Variants in TET1 observed in about 807,000 individuals in gnomAD.
TET1 encodes methylcytosine dioxygenase TET1.
Under a neutral mutation model 148.7 loss-of-function variants are expected in TET1, and 13 were observed. The ratio of observed to expected loss-of-function variants is 0.09; its 90% CI spans 0.06 to 0.14. The LOEUF is 0.14. Among genes scored for constraint, TET1 ranks in the 10% least tolerant of loss-of-function variants. TET1 has a pLI of 1.00. For synonymous variants in TET1, 907 were observed against 937.2 expected (o/e 0.97, Z 0.59); for missense variants, 2,182 against 2,553.8 (o/e 0.85, Z 3.14).
chr10:68,621,745 A>T (rs2054374756), intron 3 of TET1, among the ~76,000 whole-genome samples: 1 of 152,210 alleles, frequency 6.6e-6, no homozygotes, highest in Admixed American at 6.5e-5. Flanking sequence ...ATTTCAAATT[A>T]TAATGAAAAA....
chr10:68,668,472 G>A (rs1486981658), intron 7 of TET1, among the ~76,000 whole-genome samples: 1 of 152,242 alleles, frequency 6.6e-6, no homozygotes, highest in Non-Finnish European at 1.5e-5. Flanking sequence ...CATCAAGTGA[G>A]AAATGACTAT....
chr10:68,658,428 C>A (rs934084836), intron 6 of TET1, among the ~76,000 whole-genome samples: 2 of 152,104 alleles, frequency 1.3e-5, no homozygotes, highest in Non-Finnish European at 2.9e-5. Context: ...CGTGAGCCAC[C>A]GCGACAGCCC....
intron 3 of TET1, among the ~76,000 whole-genome samples, chr10:68,630,903 C>T (rs1303356279): frequency 2.0e-5 from 3 of 152,084 alleles, no homozygotes; most frequent in African/African-American, 4.8e-5. Context: ...TAGTCAGGTG[C>T]GGGGGCACTC....
chr10:68,677,929 T>A (rs1564507253), intron 8 of TET1, among the ~76,000 whole-genome samples: 1 of 152,182 alleles, frequency 6.6e-6, no homozygotes, highest in African/African-American at 2.4e-5. Context: ...CAGTATTTTT[T>A]ATTTTTATTT....
At chr10:68,614,698 G>A (rs148091665) in intron 3 of TET1, among the ~76,000 whole-genome samples, 176 of 152,192 alleles carry the variant, frequency 1.2e-3, no homozygotes, top group African/African-American at 4.0e-3. Flanking sequence ...GGTTCAAGCA[G>A]TTCTCGTGCC....
intron 6 of TET1, among the ~76,000 whole-genome samples, chr10:68,656,204 C>T (rs981768499): frequency 6.6e-6 from 1 of 152,166 alleles, no homozygotes; most frequent in African/African-American, 2.4e-5. Context: ...ATAAAGTGCA[C>T]AATAAATGTA....
At chr10:68,630,324 T>C (rs1297021563) in intron 3 of TET1, among the ~76,000 whole-genome samples, 1 of 152,216 alleles carries the variant, frequency 6.6e-6, no homozygotes, top group African/African-American at 2.4e-5. Flanking sequence ...TTGTTGTTGT[T>C]GTTTTGACAC....
Position 68,573,337 on chromosome 10 carries a change from C to T in TET1, c.999C>T (p.Gly333=), listed in dbSNP as rs2053692036. 3 of 1,614,128 alleles carry T rather than the reference C, an allele frequency of 1.9e-6. No homozygotes were observed. Among genetic ancestry groups the T allele is most frequent in the African/African-American group, 2.7e-5 (2 of 75,036 alleles). The change falls in exon 2 of 12, where the codon GGC becomes GGT. Residue 333 remains glycine (G), a synonymous_variant. Coordinates refer to ENST00000373644, the MANE Select transcript of TET1 (RefSeq NM_030625.3). ...CTGTAATAAAATTCCTCTTGGCAGG[C>T]TCAAAACAAGCGACCCTTGGTGCTA... ...PTSVIKFLLA[G]SKQATLGAKP...
rs1449274881 is a variant in TET1, at chr10:68,597,871, A to G, written c.1915-3110A>G. On this transcript the variant is annotated intron_variant, in intron 2 of 11. Transcript: ENST00000373644. The stretch of plus-strand genomic sequence containing the variant: ...AACGAAAAGAAAAATACTATATGAA[A>G]AATACTATATGATTCCAATTATAGG... Among the ~76,000 whole-genome samples the G allele has an allele frequency of 2.6e-5, 4 of 152,232 alleles. No homozygotes were observed. In the East Asian group the frequency reaches 7.7e-4, roughly 29 times the overall value.
At chr10:68,652,001 C>A in intron 5 of TET1, 65 bp downstream of exon 5, 1 of 1,407,654 alleles carries the variant, frequency 7.1e-7, no homozygotes, top group Non-Finnish European at 9.9e-7. Context: ...GGAGATAAAT[C>A]ATCTCTAAGA....
At chr10:68,664,693 T>TTA (rs1554810422) in intron 6 of TET1, among the ~76,000 whole-genome samples, 7 of 148,544 alleles carry the variant, frequency 4.7e-5, no homozygotes, top group African/African-American at 1.5e-4. Context: ...TTTTTTTTTT[T>TTA]ACTCTGTTGC....
intron 1 of TET1, among the ~76,000 whole-genome samples, chr10:68,562,119 G>A (rs2053561432): frequency 6.6e-6 from 1 of 152,214 alleles, no homozygotes; most frequent in East Asian, 1.9e-4. Flanking sequence ...CCCTGGGCCG[G>A]CGGGGTGAGC....
chr10:68,679,563 A>G (rs2133215578), intron 8 of TET1, among the ~76,000 whole-genome samples: 1 of 152,332 alleles, frequency 6.6e-6, no homozygotes, highest in Non-Finnish European at 1.5e-5. Context: ...TGAAGATATA[A>G]ATAGAATTGT....
intron 3 of TET1, among the ~76,000 whole-genome samples, chr10:68,618,125 A>G (rs1448353192): frequency 6.6e-6 from 1 of 152,056 alleles, no homozygotes; most frequent in Non-Finnish European, 1.5e-5. Context: ...TGAGTTTTTA[A>G]GAGTAAAGGA....
At chr10:68,654,121 A>AAAAAAAAAAAAAAAC (rs2054984004) in intron 6 of TET1, among the ~76,000 whole-genome samples, 1 of 151,266 alleles carries the variant, frequency 6.6e-6, no homozygotes, top group Non-Finnish European at 1.5e-5. Context: ...AAAAAAAAAA[A>AAAAAAAAAAAAAAAC]AAAAGCATGG....
At chr10:68,653,441 A>C (rs571736801) in intron 6 of TET1, among the ~76,000 whole-genome samples, 181 of 152,302 alleles carry the variant, frequency 1.2e-3, no homozygotes, top group Non-Finnish European at 2.2e-3. Flanking sequence ...TGGTCTGACT[A>C]TTCTGGTTTA....
chr10:68,674,860 A>G (rs1817245765), intron 8 of TET1: 29 of 425,528 alleles, frequency 6.8e-5, no homozygotes, highest in South Asian at 5.2e-4. Flanking sequence ...ATTACTTGAA[A>G]GAAGTGGTCA....
chr10:68,667,973 A>T (rs2133179366), intron 7 of TET1, among the ~76,000 whole-genome samples: 1 of 152,270 alleles, frequency 6.6e-6, no homozygotes, highest in Admixed American at 6.5e-5. Flanking sequence ...GGCAAATGTG[A>T]GTTTTTGCCT....
intron 2 of TET1, among the ~76,000 whole-genome samples, chr10:68,575,750 G>A (rs952387938): frequency 2.0e-5 from 3 of 151,638 alleles, no homozygotes; most frequent in South Asian, 4.2e-4. Context: ...GGCCGGGCGC[G>A]GTGGCTCACA....
Sources: gnomAD v4.1 joint callset for allele counts (sites outside exome capture counted in the v4.1 genomes callset) on GRCh38, gnomAD v4.1.1 for gene constraint, MANE v1.5 for transcripts, NCBI Gene and HGNC (gene_info 2026-07-23, HGNC 2026-07-21) for gene names.